SF3B6: variants seen among roughly 807,000 people sequenced by gnomAD.
SF3B6 encodes the protein SF3b 14 kDa subunit.
Under a neutral mutation model 15.9 loss-of-function variants are expected in SF3B6, and 3 were observed. That is an observed-to-expected ratio of 0.19 (90% confidence interval 0.09 to 0.49). The LOEUF is 0.49. Among genes scored for constraint, SF3B6 ranks in the 20% least tolerant of loss-of-function variants. The pLI, the probability that SF3B6 is intolerant of heterozygous loss-of-function variation, is 0.97. For synonymous variants in SF3B6, 49 were observed against 51.1 expected (o/e 0.96, Z 0.18); for missense variants, 71 against 154.3 (o/e 0.46, Z 2.86).
chr2:24,071,332 C>A (rs939668589), intron 2 of SF3B6, among the ~76,000 whole-genome samples: 1 of 152,118 alleles, frequency 6.6e-6, no homozygotes, highest in African/African-American at 2.4e-5. Context: ...CGGCTTGGCA[C>A]GGTGGCTCAT....
At chr2:24,076,076 C>A in intron 1 of SF3B6, 124 bp downstream of exon 1, 1 of 1,254,072 alleles carries the variant, frequency 8.0e-7, no homozygotes, top group Non-Finnish European at 1.2e-6. Context: ...TCTTCGCTGA[C>A]AGGATAGGAA....
rs1664696962 is a variant in SF3B6, at chr2:24,074,105, C to T, written c.120G>A (p.Gly40=). Residue 40 remains glycine, a synonymous_variant, in exon 2 of 4, where the codon GGG becomes GGA. Transcript: ENST00000233468. The part of the protein sequence containing the change: ...ITAEEMYDIF[G]KYGPIRQIRV... ...TGATTTGACGAATAGGTCCATATTT[C>T]CCAAATATATCATACATTTCTTCAG... 9 of 1,600,556 alleles carry T rather than the reference C, an allele frequency of 5.6e-6. No individual in the cohort carries two copies. The highest frequency in any genetic ancestry group is 6.8e-6 in the Non-Finnish European group (8 of 1,168,366).
At position 24,076,196 on chromosome 2, in the gene SF3B6, T is replaced by A; in HGVS notation, c.30+4A>T. 6.2e-7 allele frequency: 1 copy of A among 1,614,166 alleles called. No individual in the cohort carries two copies. The highest frequency in any genetic ancestry group is 8.5e-7 in the Non-Finnish European group (1 of 1,180,020). ...CCACCCTCCGCAGAACACCCGATACTCACGTTCGCCCTCTTGGCCGCTTGC... is the reference window on the plus strand; with the variant it reads ...CCACCCTCCGCAGAACACCCGATACACACGTTCGCCCTCTTGGCCGCTTGC... On this transcript the variant is annotated splice_donor_region_variant and intron_variant, in intron 1 of 3. Transcript: ENST00000233468.
chr2:24,075,359 G>GTTTTTT (rs776683939), intron 1 of SF3B6, among the ~76,000 whole-genome samples: 1 of 72,742 alleles, frequency 1.4e-5, no homozygotes, highest in African/African-American at 4.4e-5. Flanking sequence ...CTTTCTTTCT[G>GTTTTTT]TTTTTTTTTT....
At chr2:24,076,113 G>C in intron 1 of SF3B6, 87 bp downstream of exon 1, 6 of 1,531,394 alleles carry the variant, frequency 3.9e-6, no homozygotes, top group South Asian at 1.1e-5. Flanking sequence ...TCTGGGGACG[G>C]AGGAGGAGCA....
At chr2:24,075,511 G>A (rs768369574) in intron 1 of SF3B6, among the ~76,000 whole-genome samples, 22 of 151,430 alleles carry the variant, frequency 1.5e-4, no homozygotes, top group Non-Finnish European at 1.9e-4. Context: ...TTACAGGCAT[G>A]AGCCACCTCA....
At chr2:24,072,945 C>T (rs1249218322) in intron 2 of SF3B6, among the ~76,000 whole-genome samples, 1 of 152,196 alleles carries the variant, frequency 6.6e-6, no homozygotes, top group African/African-American at 2.4e-5. Flanking sequence ...CCATGTATCC[C>T]CTGAAATATA....
intron 1 of SF3B6, among the ~76,000 whole-genome samples, chr2:24,075,781 TTTAA>T (rs970943727): frequency 2.0e-5 from 3 of 151,970 alleles, no homozygotes; most frequent in Non-Finnish European, 4.4e-5. Flanking sequence ...AAAATATTGT[TTTAA>T]TTAATGTGTT....
intron 2 of SF3B6, 103 bp from the exon 3 acceptor site, chr2:24,068,562 G>T: frequency 1.9e-6 from 2 of 1,074,052 alleles, no homozygotes; most frequent in Non-Finnish European, 1.3e-6. Flanking sequence ...TTTAAAAACA[G>T]TAAATTGAAA....
At chr2:24,074,816 T>C (rs1664705815) in intron 1 of SF3B6, among the ~76,000 whole-genome samples, 1 of 152,150 alleles carries the variant, frequency 6.6e-6, no homozygotes, top group South Asian at 2.1e-4. Flanking sequence ...GATACACCTA[T>C]ATCACACATC....
chr2:24,069,253 T>C (rs1181856167), intron 2 of SF3B6, among the ~76,000 whole-genome samples: 1 of 152,164 alleles, frequency 6.6e-6, no homozygotes, highest in African/African-American at 2.4e-5. Context: ...TGCTTGTGGA[T>C]AGGGTTATCA....
chr2:24,071,971 T>C (rs1296958330), intron 2 of SF3B6, among the ~76,000 whole-genome samples: 1 of 152,120 alleles, frequency 6.6e-6, no homozygotes, highest in Non-Finnish European at 1.5e-5. Flanking sequence ...CCACTTTTTA[T>C]ATTATTCTTC....
intron 2 of SF3B6, among the ~76,000 whole-genome samples, chr2:24,069,181 C>T (rs552043436): frequency 6.6e-6 from 1 of 152,312 alleles, no homozygotes; most frequent in South Asian, 2.1e-4. Flanking sequence ...AGTGCTAATG[C>T]ACGATACAGC....
At chr2:24,075,955 T>C (rs1383455106) in intron 1 of SF3B6, among the ~76,000 whole-genome samples, 3 of 151,898 alleles carry the variant, frequency 2.0e-5, no homozygotes, top group Non-Finnish European at 4.4e-5. Context: ...AAAGAGGCTA[T>C]AGGGGTAACA....
intron 2 of SF3B6, among the ~76,000 whole-genome samples, chr2:24,072,160 A>AC (rs1553322679): frequency 6.7e-6 from 1 of 149,992 alleles, no homozygotes; most frequent in Non-Finnish European, 1.5e-5. Context: ...TAATTTTTGT[A>AC]TTTTTTTTTA....
chr2:24,072,529 T>C (rs947159972), intron 2 of SF3B6, among the ~76,000 whole-genome samples: 10 of 152,148 alleles, frequency 6.6e-5, no homozygotes, highest in Non-Finnish European at 1.3e-4. Context: ...GGAAAACTGA[T>C]AAAGTACCTT....
At chr2:24,068,834 G>GTTTTGT (rs900179732) in intron 2 of SF3B6, among the ~76,000 whole-genome samples, 31 of 152,130 alleles carry the variant, frequency 2.0e-4, no homozygotes, top group Non-Finnish European at 2.8e-4. Context: ...TCTTTGTTTT[G>GTTTTGT]TTTTGTTTTT....
At chr2:24,068,055 T>G (rs2150976966) in intron 3 of SF3B6, among the ~76,000 whole-genome samples, 1 of 152,216 alleles carries the variant, frequency 6.6e-6, no homozygotes, top group South Asian at 2.1e-4. Context: ...CTCCACCCCC[T>G]GGGGTTCACG....
Position 24,068,478 on chromosome 2 carries a change from CTTAA to C in SF3B6, c.150-23_150-20del. 3 of 1,594,494 alleles carry C rather than the reference CTTAA, an allele frequency of 1.9e-6. No individual in the cohort carries two copies. Among genetic ancestry groups the C allele is most frequent in the Non-Finnish European group, 2.6e-6 (3 of 1,170,512 alleles). On this transcript the variant is annotated intron_variant, in intron 2 of 3. Transcript: ENST00000233468. The stretch of plus-strand genomic sequence containing the variant: ...GTTCCCCCTGGAGAGGTAAGTTAAA[CTTAA>C]TTAAGATATACATTTACCTGAGCAT...
Sources: gnomAD v4.1 joint callset for allele counts (sites outside exome capture counted in the v4.1 genomes callset) on GRCh38, gnomAD v4.1.1 for gene constraint, MANE v1.5 for transcripts, NCBI Gene and HGNC (gene_info 2026-07-23, HGNC 2026-07-21) for gene names.